Variants in HS2ST1 observed in about 807,000 individuals in gnomAD.
HS2ST1 encodes 2-O-sulfotransferase.
In HS2ST1, 18 loss-of-function variants were observed where a neutral mutation model predicts 42.9. The observed-to-expected ratio is 0.42, with a 90% confidence interval of 0.29 to 0.62. The LOEUF is 0.62. HS2ST1 is among the 20% of genes least tolerant of loss of function. The pLI is 0.21. For synonymous variants in HS2ST1, 146 were observed against 152.9 expected (o/e 0.95, Z 0.33); for missense variants, 334 against 433.8 (o/e 0.77, Z 2.04).
chr1:87,032,210 C>A (rs936007207), intron 1 of HS2ST1, among the ~76,000 whole-genome samples: 2 of 152,056 alleles, frequency 1.3e-5, no homozygotes, highest in African/African-American at 4.8e-5. Context: ...ACTGATAATA[C>A]CAGGCTCACG....
chr1:87,019,574 C>T (rs6576860), intron 1 of HS2ST1, among the ~76,000 whole-genome samples: 2,340 of 152,198 alleles, frequency 0.015, 65 homozygotes, highest in African/African-American at 0.053. Flanking sequence ...CTTTAGCTTA[C>T]TGGATAGTAT....
At chr1:86,957,135 T>C (rs1274899359) in intron 1 of HS2ST1, among the ~76,000 whole-genome samples, 1 of 152,218 alleles carries the variant, frequency 6.6e-6, no homozygotes, top group African/African-American at 2.4e-5. Flanking sequence ...TCTAGACATT[T>C]ATAGTCTAAG....
At chr1:87,058,349 A>G (rs1184099890) in intron 1 of HS2ST1, among the ~76,000 whole-genome samples, 1 of 151,844 alleles carries the variant, frequency 6.6e-6, no homozygotes, top group Non-Finnish European at 1.5e-5. Flanking sequence ...GTAATGCTAC[A>G]AAAAGGATTC....
At chr1:86,947,921 C>A (rs1311199346) in intron 1 of HS2ST1, among the ~76,000 whole-genome samples, 1 of 152,086 alleles carries the variant, frequency 6.6e-6, no homozygotes, top group Non-Finnish European at 1.5e-5. Flanking sequence ...ATATATGGAA[C>A]ATTCAGAAGA....
At chr1:87,042,444 C>G (rs1650546631) in intron 1 of HS2ST1, among the ~76,000 whole-genome samples, 1 of 152,036 alleles carries the variant, frequency 6.6e-6, no homozygotes, top group African/African-American at 2.4e-5. Context: ...TTTTACAGTT[C>G]TGGGTCCTTT....
At chr1:86,962,865 CAT>C (rs1246619767) in intron 1 of HS2ST1, among the ~76,000 whole-genome samples, 8 of 152,058 alleles carry the variant, frequency 5.3e-5, no homozygotes, top group African/African-American at 1.7e-4. Flanking sequence ...GATATGAAGT[CAT>C]ATATCCATTG....
At chr1:87,051,546 T>G (rs1392982664) in intron 1 of HS2ST1, among the ~76,000 whole-genome samples, 1 of 152,240 alleles carries the variant, frequency 6.6e-6, no homozygotes, top group African/African-American at 2.4e-5. Context: ...TGTTCAGTAG[T>G]CTGCAAAATA....
rs1238398107 is a variant in HS2ST1 at position 86,989,628 on chromosome 1, C to T, written c.124+74468C>T. Among the ~76,000 whole-genome samples the T allele has an allele frequency of 3.3e-5, 5 of 152,208 alleles. No homozygotes were observed. In the East Asian group the frequency reaches 5.8e-4, roughly 18 times the overall value. On this transcript the variant is annotated intron_variant, in intron 1 of 6. Coordinates refer to ENST00000370550, the MANE Select transcript of HS2ST1 (RefSeq NM_012262.4). ...GATACATGTGCAGAACATACAGGTTCGTTACATAGGTATACACGTGCCATG... is the reference window on the plus strand; with the variant it reads ...GATACATGTGCAGAACATACAGGTTTGTTACATAGGTATACACGTGCCATG...
chr1:87,092,854 A>AT (rs1377457673), intron 4 of HS2ST1, among the ~76,000 whole-genome samples, 185 bp downstream of exon 4: 1 of 151,972 alleles, frequency 6.6e-6, no homozygotes, highest in Non-Finnish European at 1.5e-5. Flanking sequence ...TGTAATATAC[A>AT]TTTTTTTGTG....
chr1:87,104,109 T>G (rs897563814), intron 6 of HS2ST1, among the ~76,000 whole-genome samples: 1 of 152,126 alleles, frequency 6.6e-6, no homozygotes, highest in Non-Finnish European at 1.5e-5. Flanking sequence ...ATACAGATTA[T>G]GAGAAAATAG....
At position 86,963,826 on chromosome 1, in the gene HS2ST1, C is replaced by T. The variant is rs558806008; in HGVS notation, c.124+48666C>T. Among the ~76,000 whole-genome samples the T allele has an allele frequency of 8.3e-3, 1,217 of 145,754 alleles. 20 individuals carry two copies. The highest frequency in any genetic ancestry group is 0.026 in the African/African-American group (1,017 of 39,678). ...TCCCCCCCTGGACGGGGCGGCTGGC[C>T]GGGCGGGGGCTGCCCCCCACCTCCC... On this transcript the variant is annotated intron_variant, in intron 1 of 6. Transcript: ENST00000370550.
intron 1 of HS2ST1, among the ~76,000 whole-genome samples, chr1:86,949,793 TCA>T (rs1283863468): frequency 6.6e-6 from 1 of 152,196 alleles, no homozygotes; most frequent in Non-Finnish European, 1.5e-5. Context: ...AGCTATGTTT[TCA>T]GTTTTACCCC....
intron 1 of HS2ST1, among the ~76,000 whole-genome samples, chr1:86,977,058 A>AAAC (rs1003296251): frequency 5.3e-5 from 8 of 152,074 alleles, no homozygotes; most frequent in East Asian, 1.9e-4. Context: ...TCAAAAAACA[A>AAAC]AACAACAACA....
chr1:87,003,846 A>G (rs1649358329), intron 1 of HS2ST1, among the ~76,000 whole-genome samples: 1 of 152,176 alleles, frequency 6.6e-6, no homozygotes, highest in Admixed American at 6.5e-5. Flanking sequence ...TTATATGCAG[A>G]TATTATACAA....
chr1:86,945,707 C>G (rs1647313113), intron 1 of HS2ST1, among the ~76,000 whole-genome samples: 1 of 152,106 alleles, frequency 6.6e-6, no homozygotes. Flanking sequence ...GGAAGAACTT[C>G]AAATATAAAT....
In HS2ST1 at chr1:87,055,209, A is replaced by G. The variant is rs532396708; in HGVS notation, c.125-17725A>G. On this transcript the variant is annotated intron_variant, in intron 1 of 6. Coordinates refer to ENST00000370550, the MANE Select transcript of HS2ST1 (RefSeq NM_012262.4). ...ATGAAAATGGGCTCTTCCACAGACC[A>G]GCTACATACTTGATTTCTCAGTTTG... Among the ~76,000 whole-genome samples the G allele has an allele frequency of 3.9e-5, 6 of 152,340 alleles. No individual in the cohort carries two copies. In the East Asian group the frequency reaches 1.2e-3, roughly 29 times the overall value.
intron 6 of HS2ST1, among the ~76,000 whole-genome samples, chr1:87,103,857 C>T (rs1473216222): frequency 6.6e-6 from 1 of 152,176 alleles, no homozygotes; most frequent in Non-Finnish European, 1.5e-5. Context: ...AGATATCAAA[C>T]ATTAGGCCTG....
intron 1 of HS2ST1, among the ~76,000 whole-genome samples, chr1:87,072,274 CTTG>C (rs1651430983): frequency 6.6e-6 from 1 of 152,078 alleles, no homozygotes. Flanking sequence ...TGTTTCTACT[CTTG>C]TTAAGTCATA....
chr1:87,075,161 C>CTTTTTTTTTTTT (rs34812948), intron 2 of HS2ST1, among the ~76,000 whole-genome samples: 2 of 48,598 alleles, frequency 4.1e-5, no homozygotes, highest in Non-Finnish European at 7.2e-5. Flanking sequence ...TCTCAGCTAC[C>CTTTTTTTTTTTT]TTTTTTTTTT....
Sources: gnomAD v4.1 joint callset for allele counts (sites outside exome capture counted in the v4.1 genomes callset) on GRCh38, gnomAD v4.1.1 for gene constraint, MANE v1.5 for transcripts, NCBI Gene and HGNC (gene_info 2026-07-23, HGNC 2026-07-21) for gene names.